ADAM12: variants seen among roughly 807,000 people sequenced by gnomAD.
The protein encoded by ADAM12 is ADAM metallopeptidase domain 12, also known as disintegrin and metalloproteinase domain-containing protein 12.
A neutral mutation model predicts 106.4 loss-of-function variants in ADAM12; 70 were observed. The observed-to-expected ratio is 0.66, with a 90% CI of 0.54 to 0.80. The LOEUF is 0.80. Among genes scored for constraint, ADAM12 ranks in the 30% least tolerant of loss-of-function variants. The probability of loss-of-function intolerance (pLI) is 0.00; values close to 1 mark genes in which losing one functional copy is unlikely to be tolerated. For synonymous variants in ADAM12, 420 were observed against 433.5 expected, an observed-to-expected ratio of 0.97 and a Z score of 0.39; for missense variants, 1,010 against 1,171.9, an observed-to-expected ratio of 0.86 and a Z score of 2.02.
chr10:126,082,363 G>GTTTTTTTTTTTTTTTTTT (rs5788763), intron 11 of ADAM12, among the ~76,000 whole-genome samples: 4 of 80,780 alleles, frequency 5.0e-5, no homozygotes, highest in African/African-American at 2.1e-4. Flanking sequence ...TCTAATGACT[G>GTTTTTTTTTTTTTTTTTT]TTTTTTTTTT....
At chr10:126,141,145 G>A (rs921082503) in intron 4 of ADAM12, among the ~76,000 whole-genome samples, 1 of 152,214 alleles carries the variant, frequency 6.6e-6, no homozygotes, top group African/African-American at 2.4e-5. Flanking sequence ...ATGCCTAAGA[G>A]GGGCTTGCAC....
intron 2 of ADAM12, among the ~76,000 whole-genome samples, chr10:126,310,667 C>T (rs1374046854): frequency 6.6e-6 from 1 of 152,076 alleles, no homozygotes; most frequent in Non-Finnish European, 1.5e-5. Flanking sequence ...TGCTAACTCT[C>T]AAAATTATGT....
intron 3 of ADAM12, among the ~76,000 whole-genome samples, chr10:126,175,597 A>G (rs1156585260): frequency 2.6e-5 from 4 of 152,358 alleles, no homozygotes; most frequent in African/African-American, 9.6e-5. Context: ...ATCAAAAACA[A>G]TCGAGGAATG....
At chr10:126,196,085 A>C (rs1360060782) in intron 3 of ADAM12, among the ~76,000 whole-genome samples, 1 of 152,192 alleles carries the variant, frequency 6.6e-6, no homozygotes, top group African/African-American at 2.4e-5. Flanking sequence ...GGGTAACTGC[A>C]ACAGAGACTG....
At position 126,049,321 on chromosome 10, in the gene ADAM12, C is replaced by T. The variant is rs752338502; in HGVS notation, c.1849G>A (p.Val617Met). 3.1e-6 allele frequency: 5 copies of T among 1,614,218 alleles called. No individual in the cohort carries two copies. Among genetic ancestry groups the T allele is most frequent in the Non-Finnish European group, 4.2e-6 (5 of 1,180,046 alleles). The part of the protein sequence containing the change: ...GGRILCRGTH[V>M]YLGDDMPDPG... ...TCCGGCATGTCATCGCCCAAGTACA[C>T]GTGGGTCCCCCGGCACAGAATCCGG... Residue 617 changes from valine (V) to methionine (M), a missense_variant, in exon 16 of 23, where the codon GTG becomes ATG. This residue lies in a region of ADAM12 where 615 missense variants were observed against 708.5 expected (regional missense o/e 0.87). Transcript: ENST00000448723. The surrounding 1 kb of genome is among the most constrained non-coding windows in gnomAD (Gnocchi z 4.4).
At chr10:126,071,389 T>C (rs1954986155) in intron 12 of ADAM12, 88 bp downstream of exon 12, 1 of 1,486,032 alleles carries the variant, frequency 6.7e-7, no homozygotes, top group Non-Finnish European at 9.2e-7. Flanking sequence ...TACTTTCATC[T>C]GGCTGTACAG....
chr10:126,250,651 A>G (rs1958728344), intron 3 of ADAM12, among the ~76,000 whole-genome samples: 1 of 152,160 alleles, frequency 6.6e-6, no homozygotes, highest in Non-Finnish European at 1.5e-5. Flanking sequence ...TTAGCTTTAC[A>G]TTGTTAACCG....
intron 3 of ADAM12, among the ~76,000 whole-genome samples, chr10:126,221,389 C>CAA (rs35766891): frequency 0.011 from 1,061 of 100,592 alleles, 23 homozygotes; most frequent in African/African-American, 0.037. Flanking sequence ...GACTCTGTCT[C>CAA]AAAAAAAAAA....
chr10:126,355,041 A>C lies in ADAM12; in HGVS notation c.89-24532T>G, dbSNP rs537231250. ...AGGAAAAAAATGTTGAAAGGTAAAA[A>C]ATTTTTATAATTGTGTTGAGTGAAT... On this transcript the variant is annotated intron_variant, in intron 1 of 22. Coordinates refer to ENST00000448723, the MANE Select transcript of ADAM12 (RefSeq NM_001288973.2). Among the ~76,000 whole-genome samples the C allele has an allele frequency of 2.0e-5, 3 of 152,324 alleles. No homozygotes were observed. In the Middle Eastern group the frequency reaches 0.01, roughly 518 times the overall value.
intron 4 of ADAM12, among the ~76,000 whole-genome samples, chr10:126,149,837 G>C (rs11244844): frequency 5.9e-5 from 9 of 151,944 alleles, no homozygotes; most frequent in Non-Finnish European, 1.0e-4. Context: ...TTTGGGACTT[G>C]GATTGGCTTC....
At position 126,233,779 on chromosome 10, in the gene ADAM12, T is replaced by C. The variant is rs1191335317; in HGVS notation, c.260+45136A>G. 2.6e-5 allele frequency among the ~76,000 whole-genome samples: 4 copies of C among 152,276 alleles called. No individual in the cohort carries two copies. In the Middle Eastern group the frequency reaches 0.01, roughly 388 times the overall value. On this transcript the variant is annotated intron_variant, in intron 3 of 22. Coordinates refer to ENST00000448723, the MANE Select transcript of ADAM12 (RefSeq NM_001288973.2). Reference sequence around the variant, plus strand: ...TATTTTAAGGTGAGTCCCACCTGAATTGGAAATGCGCTTCTCTTACTGTAG... The same window carrying C: ...TATTTTAAGGTGAGTCCCACCTGAACTGGAAATGCGCTTCTCTTACTGTAG...
intron 2 of ADAM12, among the ~76,000 whole-genome samples, chr10:126,325,559 G>T (rs1215063082): frequency 2.0e-5 from 3 of 152,268 alleles, no homozygotes; most frequent in East Asian, 3.9e-4. Flanking sequence ...GGGAAGCTTT[G>T]GTTTCATGTT....
chr10:126,169,798 T>G (rs144972645), intron 3 of ADAM12, among the ~76,000 whole-genome samples: 131 of 152,356 alleles, frequency 8.6e-4, no homozygotes, highest in African/African-American at 3.0e-3. Context: ...GCCGACTTAT[T>G]TGGAACCATT....
At chr10:126,349,055 T>G (rs1020986973) in intron 1 of ADAM12, among the ~76,000 whole-genome samples, 3 of 152,202 alleles carry the variant, frequency 2.0e-5, no homozygotes, top group African/African-American at 7.2e-5. Context: ...GAAGTTAACA[T>G]GAGAATGCTT....
intron 2 of ADAM12, among the ~76,000 whole-genome samples, chr10:126,308,869 T>C (rs1374686287): frequency 6.6e-6 from 1 of 152,208 alleles, no homozygotes; most frequent in African/African-American, 2.4e-5. Flanking sequence ...GGTCAGATCT[T>C]ATCCCTTACC....
chr10:126,226,448 G>A (rs993403764), intron 3 of ADAM12, among the ~76,000 whole-genome samples: 1 of 152,198 alleles, frequency 6.6e-6, no homozygotes, highest in African/African-American at 2.4e-5. Flanking sequence ...CATGGGCACA[G>A]CTGACATGCA....
chr10:126,140,298 A>G (rs1956486285), intron 4 of ADAM12, among the ~76,000 whole-genome samples: 1 of 152,258 alleles, frequency 6.6e-6, no homozygotes, highest in African/African-American at 2.4e-5. Flanking sequence ...CTGAAATTTC[A>G]AGCTCATTTA....
intron 3 of ADAM12, among the ~76,000 whole-genome samples, chr10:126,186,600 G>T (rs988233872): frequency 7.2e-5 from 11 of 152,108 alleles, no homozygotes; most frequent in Non-Finnish European, 1.6e-4. Context: ...GCCATTCTGT[G>T]TGACATTTGG....
intron 9 of ADAM12, among the ~76,000 whole-genome samples, chr10:126,099,463 T>C (rs1053063627): frequency 6.6e-6 from 1 of 152,040 alleles, no homozygotes; most frequent in Non-Finnish European, 1.5e-5. Context: ...GGCCTTTATT[T>C]ACATCTATAT....
Sources: gnomAD v4.1 joint callset for allele counts (sites outside exome capture counted in the v4.1 genomes callset) on GRCh38, gnomAD v4.1.1 for gene constraint, gnomAD v4.1.1 regional missense constraint, Gnocchi (gnomAD v3.1) non-coding constraint, MANE v1.5 for transcripts, NCBI Gene and HGNC (gene_info 2026-07-23, HGNC 2026-07-21) for gene names.